The following GRM5 variants were observed in gnomAD, a reference collection of about 807,000 sequenced individuals.
GRM5 encodes the protein metabotropic glutamate receptor 5.
Under a neutral mutation model 83.1 loss-of-function variants are expected in GRM5, and 19 were observed. That is an observed-to-expected ratio of 0.23 (90% CI 0.16 to 0.34). The LOEUF is 0.34. Among genes scored for constraint, GRM5 ranks in the 10% least tolerant of loss-of-function variants. The pLI, the probability that GRM5 is intolerant of heterozygous loss-of-function variation, is 1.00. For missense variants in GRM5, 1,160 were observed against 1,588.3 expected, an observed-to-expected ratio of 0.73 and a Z score of 4.58; for synonymous variants, 675 against 633.6, an observed-to-expected ratio of 1.07 and a Z score of -0.98.
At position 88,845,423 on chromosome 11, in the gene GRM5, C is replaced by CTTTTTTTTTT. The variant is rs71046265; in HGVS notation, c.911+4473_911+4482dup. ...AGGCTACAGTACAGTATAAACATAA[C>CTTTTTTTTTT]TTTTTTTTTTTTTTTTTTTTTTTTT... On this transcript the variant is annotated intron_variant, in intron 3 of 9. Transcript: ENST00000305447. 4.4e-3 allele frequency among the ~76,000 whole-genome samples: 407 copies of CTTTTTTTTTT among 92,384 alleles called. 73 individuals are homozygous for CTTTTTTTTTT. The highest frequency in any genetic ancestry group is 6.0e-3 in the South Asian group (13 of 2,160). 60.6% of individuals were successfully genotyped at this position (92,384 alleles called of 152,430 possible).
chr11:88,792,554 T>C lies in GRM5; in HGVS notation c.911+57352A>G, dbSNP rs1176137097. On this transcript the variant is annotated intron_variant, in intron 3 of 9. Coordinates refer to ENST00000305447, the MANE Select transcript of GRM5 (RefSeq NM_001143831.3). ...AAAGAAATGACAGTAACATTACAACTAGGGGATATTTCTAGAGATTGGTCT... is the reference window on the plus strand; with the variant it reads ...AAAGAAATGACAGTAACATTACAACCAGGGGATATTTCTAGAGATTGGTCT... 1.6e-4 allele frequency among the ~76,000 whole-genome samples: 24 copies of C among 152,060 alleles called. 1 individual carries two copies. Among genetic ancestry groups the C allele is most frequent in the Admixed American group, 1.6e-3 (24 of 15,272 alleles).
intron 3 of GRM5, among the ~76,000 whole-genome samples, chr11:88,769,067 G>A (rs1402169128): frequency 2.6e-5 from 4 of 152,024 alleles, no homozygotes; most frequent in African/African-American, 7.2e-5. Flanking sequence ...TAAGTACTGC[G>A]CTCTAGTCAA....
At chr11:88,713,292 A>T (rs1163009890) in intron 3 of GRM5, among the ~76,000 whole-genome samples, 2 of 152,102 alleles carry the variant, frequency 1.3e-5, no homozygotes, top group Non-Finnish European at 2.9e-5. Context: ...GGTGCAGTGC[A>T]GATATAGAGT....
At chr11:88,863,814 T>C (rs1944611839) in intron 2 of GRM5, among the ~76,000 whole-genome samples, 2 of 151,944 alleles carry the variant, frequency 1.3e-5, no homozygotes, top group African/African-American at 4.8e-5. Context: ...TCTCTTACAA[T>C]TGCCTAGATG....
Position 88,611,095 on chromosome 11 carries a change from A to G in GRM5, c.1148-6131T>C, listed in dbSNP as rs181095794. Among the ~76,000 whole-genome samples the G allele has an allele frequency of 3.3e-5, 5 of 152,246 alleles. No individual in the cohort carries two copies. The East Asian group carries it at 7.7e-4, about 23-fold the overall frequency. ...TTGATGGTGGTTAATTAACATTTTC[A>G]TGTGCTTCTGAATTCTGTTTGCTAG... On this transcript the variant is annotated intron_variant, in intron 4 of 9. Transcript: ENST00000305447.
intron 2 of GRM5, among the ~76,000 whole-genome samples, chr11:88,876,585 A>C (rs1437811698): frequency 6.6e-6 from 1 of 152,054 alleles, no homozygotes; most frequent in Non-Finnish European, 1.5e-5. Context: ...CACCTTCCTC[A>C]TTAAGCTTAA....
chr11:88,987,285 T>C (rs1939757282), intron 2 of GRM5, among the ~76,000 whole-genome samples: 2 of 152,100 alleles, frequency 1.3e-5, no homozygotes, highest in Admixed American at 6.5e-5. Context: ...CCCACCCAAA[T>C]ACTGCGCTTT....
chr11:88,963,701 G>A (rs574075133), intron 2 of GRM5, among the ~76,000 whole-genome samples: 1 of 152,238 alleles, frequency 6.6e-6, no homozygotes, highest in Non-Finnish European at 1.5e-5. Context: ...TAATTTGGAT[G>A]TTTTATGGTA....
chr11:88,922,194 C>G (rs1945705045), intron 2 of GRM5, among the ~76,000 whole-genome samples: 1 of 152,224 alleles, frequency 6.6e-6, no homozygotes, highest in South Asian at 2.1e-4. Context: ...AAATTTCTAT[C>G]AAAATACCAT....
At chr11:89,061,558 C>A (rs1305828105) in intron 1 of GRM5, among the ~76,000 whole-genome samples, 2 of 152,048 alleles carry the variant, frequency 1.3e-5, no homozygotes, top group Admixed American at 6.6e-5. Context: ...ATAATCAGAG[C>A]CAAAATTAAA....
At chr11:89,025,948 G>C (rs1010386841) in intron 2 of GRM5, among the ~76,000 whole-genome samples, 1 of 152,158 alleles carries the variant, frequency 6.6e-6, no homozygotes, top group Non-Finnish European at 1.5e-5. Context: ...CTCATCAACT[G>C]TGGAGTAGAT....
intron 3 of GRM5, among the ~76,000 whole-genome samples, chr11:88,683,607 A>G (rs931093410): frequency 6.6e-6 from 1 of 152,224 alleles, no homozygotes; most frequent in African/African-American, 2.4e-5. Context: ...TTATTTGGAA[A>G]TTAGTTTACC....
chr11:89,035,623 A>G (rs925907707), intron 2 of GRM5, among the ~76,000 whole-genome samples: 2 of 151,976 alleles, frequency 1.3e-5, no homozygotes, highest in Non-Finnish European at 2.9e-5. Context: ...TGCAGCTATG[A>G]ATGAGACTAC....
intron 1 of GRM5, 60 bp from the exon 2 acceptor site, chr11:89,048,132 G>A (rs1591077079): frequency 2.4e-6 from 1 of 423,346 alleles, no homozygotes; most frequent in South Asian, 3.7e-5. Flanking sequence ...GTTTGGGGAA[G>A]TTCTATAATC....
At chr11:88,831,928 G>A (rs1170181952) in intron 3 of GRM5, among the ~76,000 whole-genome samples, 2 of 152,148 alleles carry the variant, frequency 1.3e-5, no homozygotes, top group Non-Finnish European at 2.9e-5. Flanking sequence ...GTTAACATTG[G>A]TGCCAGTGAA....
At chr11:88,809,060 T>C (rs1181861790) in intron 3 of GRM5, among the ~76,000 whole-genome samples, 1 of 152,090 alleles carries the variant, frequency 6.6e-6, no homozygotes, top group Non-Finnish European at 1.5e-5. Flanking sequence ...AGTTTAACCT[T>C]AGACTCTTTA....
At chr11:88,745,420 G>T (rs1351508873) in intron 3 of GRM5, among the ~76,000 whole-genome samples, 1 of 151,674 alleles carries the variant, frequency 6.6e-6, no homozygotes, top group Non-Finnish European at 1.5e-5. Flanking sequence ...TTCCCAGGCT[G>T]GTCTTAAACT....
chr11:88,882,821 C>T (rs1011053811), intron 2 of GRM5, among the ~76,000 whole-genome samples: 2 of 152,102 alleles, frequency 1.3e-5, no homozygotes, highest in African/African-American at 2.4e-5. Flanking sequence ...ATAATTCCCA[C>T]GTGTCATGGG....
chr11:88,587,001 AG>A (rs1438946343), intron 7 of GRM5, among the ~76,000 whole-genome samples: 1 of 152,162 alleles, frequency 6.6e-6, no homozygotes, highest in Non-Finnish European at 1.5e-5. Flanking sequence ...ATTTTACTGG[AG>A]GTTGACACGT....
Sources: gnomAD v4.1 joint callset for allele counts (sites outside exome capture counted in the v4.1 genomes callset) on GRCh38, gnomAD v4.1.1 for gene constraint, MANE v1.5 for transcripts, NCBI Gene and HGNC (gene_info 2026-07-23, HGNC 2026-07-21) for gene names.